The following LIN52 variants were observed in gnomAD, a reference collection of about 807,000 sequenced individuals.
LIN52 encodes the protein protein lin-52 homolog.
Under a neutral mutation model 18.5 loss-of-function variants are expected in LIN52, and 4 were observed. The ratio of observed to expected loss-of-function variants is 0.22; its 90% CI spans 0.11 to 0.49. LIN52 has a LOEUF of 0.49. Ranked by LOEUF, LIN52 falls within the 20% of genes least tolerant of loss-of-function variation. The probability of loss-of-function intolerance (pLI) is 0.97; values close to 1 mark genes in which losing one functional copy is unlikely to be tolerated. For synonymous variants in LIN52, 34 were observed against 45.5 expected (o/e 0.75, Z 1.02); for missense variants, 102 against 139.5 (o/e 0.73, Z 1.35).
At chr14:74,137,871 A>G (rs117825070) in intron 5 of LIN52, among the ~76,000 whole-genome samples, 1 of 151,988 alleles carries the variant, frequency 6.6e-6, no homozygotes, top group South Asian at 2.1e-4. Flanking sequence ...AATGACTATC[A>G]TTTTCTTCTA....
chr14:74,125,176 TG>T (rs2061021632), intron 5 of LIN52, among the ~76,000 whole-genome samples: 1 of 152,218 alleles, frequency 6.6e-6, no homozygotes, highest in Non-Finnish European at 1.5e-5. Context: ...TCTAGATCCC[TG>T]AGGAATCACC....
intron 2 of LIN52, among the ~76,000 whole-genome samples, chr14:74,091,734 A>G (rs1390717378): frequency 1.4e-5 from 2 of 140,478 alleles, no homozygotes; most frequent in African/African-American, 5.3e-5. Context: ...AGATTGTGCC[A>G]CTGCACTTCA....
chr14:74,140,656 T>G (rs937477945), intron 5 of LIN52, among the ~76,000 whole-genome samples: 3 of 152,182 alleles, frequency 2.0e-5, no homozygotes, highest in Non-Finnish European at 4.4e-5. Flanking sequence ...GAGGTCCCAG[T>G]GGGGCGGTGC....
intron 5 of LIN52, among the ~76,000 whole-genome samples, chr14:74,196,894 T>C (rs1201656736): frequency 6.6e-6 from 1 of 152,134 alleles, no homozygotes; most frequent in Non-Finnish European, 1.5e-5. Context: ...CAGCCCAAGG[T>C]GTCACCCTGC....
intron 5 of LIN52, among the ~76,000 whole-genome samples, chr14:74,113,261 G>A (rs2060941111): frequency 6.6e-6 from 1 of 152,016 alleles, no homozygotes; most frequent in Admixed American, 6.6e-5. Flanking sequence ...GCGTGGTGGC[G>A]GGCGCCTGTA....
intron 4 of LIN52, among the ~76,000 whole-genome samples, chr14:74,098,078 G>A (rs2060827584): frequency 6.6e-6 from 1 of 152,140 alleles, no homozygotes; most frequent in African/African-American, 2.4e-5. Flanking sequence ...GAATTCTGCT[G>A]CTGGTGCTAA....
At chr14:74,143,091 G>A (rs1490540584) in intron 5 of LIN52, among the ~76,000 whole-genome samples, 1 of 151,830 alleles carries the variant, frequency 6.6e-6, no homozygotes, top group African/African-American at 2.4e-5. Context: ...CCTGAAGCTA[G>A]GACAAGCGGG....
chr14:74,148,651 T>C (rs2061163528), intron 5 of LIN52, among the ~76,000 whole-genome samples: 1 of 152,254 alleles, frequency 6.6e-6, no homozygotes, highest in Non-Finnish European at 1.5e-5. Context: ...TAGTATTTTA[T>C]ATAGCAGTTG....
chr14:74,121,725 CTTTT>C (rs11332437), intron 5 of LIN52, among the ~76,000 whole-genome samples: 1 of 142,214 alleles, frequency 7.0e-6, no homozygotes, highest in African/African-American at 2.6e-5. Context: ...CCTTCACTTT[CTTTT>C]TTTTTTTTTT....
At chr14:74,188,415 T>C (rs553335956) in intron 5 of LIN52, among the ~76,000 whole-genome samples, 1 of 152,058 alleles carries the variant, frequency 6.6e-6, no homozygotes, top group Non-Finnish European at 1.5e-5. Flanking sequence ...TTGTTGGATT[T>C]TATAATTTCA....
chr14:74,112,308 T>C (rs1191576177), intron 5 of LIN52, among the ~76,000 whole-genome samples: 1 of 152,120 alleles, frequency 6.6e-6, no homozygotes, highest in East Asian at 1.9e-4. Flanking sequence ...TTGTTTGTTT[T>C]TTTTTAAATT....
At chr14:74,188,420 A>G (rs772023128) in intron 5 of LIN52, among the ~76,000 whole-genome samples, 5 of 151,992 alleles carry the variant, frequency 3.3e-5, no homozygotes, top group Non-Finnish European at 7.4e-5. Flanking sequence ...GGATTTTATA[A>G]TTTCATGAGG....
At chr14:74,178,499 C>A (rs1595187929) in intron 5 of LIN52, among the ~76,000 whole-genome samples, 1 of 151,376 alleles carries the variant, frequency 6.6e-6, no homozygotes, top group East Asian at 2.0e-4. Context: ...GCTCTGTCGC[C>A]CAGGCTGGAG....
Position 74,137,496 on chromosome 14 carries a change from C to CTTTTTTTTTTTTTT in LIN52, c.283+36259_283+36260insTTTTTTTTTTTTTT, listed in dbSNP as rs1409995305. 1.1e-4 allele frequency among the ~76,000 whole-genome samples: 9 copies of CTTTTTTTTTTTTTT among 85,512 alleles called. 1 individual carries two copies. The highest frequency in any genetic ancestry group is 4.6e-4 in the African/African-American group (9 of 19,428). The allele number at this position is 85,512 out of a possible 152,430, so 56.1% of individuals were successfully genotyped here. The stretch of plus-strand genomic sequence containing the variant: ...GAGCACTAAATTCTTCACAGCAGCT[C>CTTTTTTTTTTTTTT]TCTTTTTTTTTTTTTTTTTTGAGAT... On this transcript the variant is annotated intron_variant, in intron 5 of 5. Transcript: ENST00000555028.
intron 5 of LIN52, among the ~76,000 whole-genome samples, chr14:74,158,462 TTTTA>T (rs1378329150): frequency 2.2e-5 from 3 of 138,242 alleles, no homozygotes; most frequent in Non-Finnish European, 3.2e-5. Context: ...TCTTTTTTAT[TTTTA>T]TTTATTTACT....
intron 5 of LIN52, among the ~76,000 whole-genome samples, chr14:74,128,930 A>C (rs1465350984): frequency 6.6e-6 from 1 of 152,202 alleles, no homozygotes; most frequent in East Asian, 1.9e-4. Context: ...CAACAGAGCA[A>C]GACTCTGTCT....
intron 5 of LIN52, among the ~76,000 whole-genome samples, chr14:74,197,012 A>G (rs1566872764): frequency 6.6e-6 from 1 of 152,222 alleles, no homozygotes; most frequent in Non-Finnish European, 1.5e-5. Context: ...GATTTTCTCT[A>G]GAGTAGTTAG....
chr14:74,091,403 A>T, intron 2 of LIN52, 97 bp downstream of exon 2: 1 of 912,220 alleles, frequency 1.1e-6, no homozygotes, highest in South Asian at 1.9e-5. Flanking sequence ...GTAAATTTTT[A>T]TTTATTTTGA....
At chr14:74,098,749 T>TG (rs913934931) in intron 4 of LIN52, among the ~76,000 whole-genome samples, 2 of 152,034 alleles carry the variant, frequency 1.3e-5, no homozygotes, top group African/African-American at 2.4e-5. Flanking sequence ...GGTTTCACCA[T>TG]GTTGGCCAGG....
Sources: allele counts gnomAD v4.1 joint callset (sites outside exome capture counted in the v4.1 genomes callset), GRCh38; gene constraint gnomAD v4.1.1; transcripts MANE v1.5; gene names NCBI Gene and HGNC (gene_info 2026-07-23, HGNC 2026-07-21).